Variants in MACROD2 observed in about 807,000 individuals in gnomAD.
MACROD2 encodes the protein ADP-ribose glycohydrolase MACROD2.
Under a neutral mutation model 70.4 loss-of-function variants are expected in MACROD2, and 36 were observed. That is an observed-to-expected ratio of 0.51 (90% CI 0.39 to 0.68). MACROD2 has a LOEUF of 0.68. Ranked by LOEUF, MACROD2 falls within the 30% of genes least tolerant of loss-of-function variation. MACROD2 has a pLI of 0.00. For missense variants in MACROD2, 496 were observed against 538.4 expected (o/e 0.92, Z 0.78); for synonymous variants, 172 against 178.8 (o/e 0.96, Z 0.30).
At chr20:15,600,511 T>G (rs561848932) in intron 8 of MACROD2, among the ~76,000 whole-genome samples, 1 of 152,238 alleles carries the variant, frequency 6.6e-6, no homozygotes, top group African/African-American at 2.4e-5. Context: ...CCTTCTTCTT[T>G]CTCTATCTCT....
chr20:15,606,610 C>T lies in MACROD2; in HGVS notation c.645+106763C>T, dbSNP rs182067840. On this transcript the variant is annotated intron_variant, in intron 8 of 17. Transcript: ENST00000684519. The stretch of plus-strand genomic sequence containing the variant: ...CCTTGACAACTTCATCTTGCCACCC[C>T]TATCATGAAGCTACAAGTATATGCT... Among the ~76,000 whole-genome samples, 289 of 152,296 alleles carry T rather than the reference C, an allele frequency of 1.9e-3. 4 individuals carry two copies. The Middle Eastern group carries it at 0.037, about 20-fold the overall frequency.
intron 6 of MACROD2, among the ~76,000 whole-genome samples, chr20:15,422,255 C>A (rs139126068): frequency 6.6e-6 from 1 of 152,028 alleles, no homozygotes; most frequent in Non-Finnish European, 1.5e-5. Flanking sequence ...ATGAATGCAG[C>A]GGAAGGATTC....
chr20:15,613,437 G>A (rs575132954), intron 8 of MACROD2, among the ~76,000 whole-genome samples: 216 of 152,312 alleles, frequency 1.4e-3, no homozygotes, highest in African/African-American at 5.0e-3. Context: ...GTGGATAGCA[G>A]TATAATGCTT....
At chr20:15,462,807 A>G (rs985715219) in intron 7 of MACROD2, among the ~76,000 whole-genome samples, 3 of 152,156 alleles carry the variant, frequency 2.0e-5, no homozygotes, top group Non-Finnish European at 4.4e-5. Context: ...GGGAACTATA[A>G]TTGCCACTTG....
chr20:14,502,188 TG>T (rs1368197901), intron 4 of MACROD2, among the ~76,000 whole-genome samples: 3 of 152,228 alleles, frequency 2.0e-5, no homozygotes, highest in Non-Finnish European at 2.9e-5. Context: ...GGCACAGAAT[TG>T]TTTTTTTAAC....
At chr20:15,851,917 C>T (rs757462378) in intron 8 of MACROD2, among the ~76,000 whole-genome samples, 11 of 152,192 alleles carry the variant, frequency 7.2e-5, no homozygotes, top group Non-Finnish European at 1.3e-4. Flanking sequence ...GCAGCCACCA[C>T]GAGCACACGG....
intron 5 of MACROD2, among the ~76,000 whole-genome samples, chr20:15,032,241 G>C (rs1200238571): frequency 1.3e-5 from 2 of 152,196 alleles, no homozygotes; most frequent in Non-Finnish European, 2.9e-5. Context: ...CGGAGCTGTG[G>C]CTGGGCGACT....
chr20:14,511,633 C>G lies in MACROD2; in HGVS notation c.301+18125C>G, dbSNP rs545709076. Among the ~76,000 whole-genome samples the G allele has an allele frequency of 3.3e-5, 5 of 151,760 alleles. No homozygotes were observed. In the East Asian group the frequency reaches 9.8e-4, roughly 30 times the overall value. ...TAAAATTTAACTAATTAACCTAATG[C>G]CATCCTTGGAATATTTAAACGCTAT... On this transcript the variant is annotated intron_variant, in intron 4 of 17. Transcript: ENST00000684519.
Position 15,459,053 on chromosome 20 carries a change from A to G in MACROD2, c.571+27618A>G, listed in dbSNP as rs560722852. 3.9e-5 allele frequency among the ~76,000 whole-genome samples: 6 copies of G among 152,224 alleles called. No homozygotes were observed. The South Asian group carries it at 1.2e-3, about 32-fold the overall frequency. On this transcript the variant is annotated intron_variant, in intron 7 of 17. Coordinates refer to ENST00000684519, the MANE Select transcript of MACROD2 (RefSeq NM_001351661.2). ...GTGTCTGTTTGATTGAAAGGATAGA[A>G]GTTGAAATATTATCAGAAGGCCACT...
At chr20:15,064,494 A>T (rs910132693) in intron 5 of MACROD2, among the ~76,000 whole-genome samples, 1 of 152,190 alleles carries the variant, frequency 6.6e-6, no homozygotes, top group African/African-American at 2.4e-5. Flanking sequence ...AGTTCTTATA[A>T]TGCAGAATCT....
intron 2 of MACROD2, among the ~76,000 whole-genome samples, chr20:14,064,830 T>C (rs536585972): frequency 6.6e-6 from 1 of 152,304 alleles, no homozygotes; most frequent in Non-Finnish European, 1.5e-5. Context: ...AATACGATAC[T>C]AAATGAAGAA....
At chr20:15,478,941 A>G (rs535744999) in intron 7 of MACROD2, among the ~76,000 whole-genome samples, 5 of 152,210 alleles carry the variant, frequency 3.3e-5, no homozygotes, top group Non-Finnish European at 5.9e-5. Context: ...TGGCTCATCA[A>G]GGTTAGCAGA....
chr20:15,334,914 T>TG lies in MACROD2; in HGVS notation c.541-96490dup, dbSNP rs546992214. Reference sequence around the variant, plus strand: ...ATCTGATGAAACCAATAAGGATACTTGCTATCGCTCATAACGTGAAGTTCA... The same window carrying TG: ...ATCTGATGAAACCAATAAGGATACTTGGCTATCGCTCATAACGTGAAGTTCA... On this transcript the variant is annotated intron_variant, in intron 6 of 17. Coordinates refer to ENST00000684519, the MANE Select transcript of MACROD2 (RefSeq NM_001351661.2). Among the ~76,000 whole-genome samples, 294 of 151,844 alleles carry TG rather than the reference T, an allele frequency of 1.9e-3. 1 individual carries two copies. The highest frequency in any genetic ancestry group is 3.0e-3 in the Non-Finnish European group (207 of 68,022).
intron 8 of MACROD2, among the ~76,000 whole-genome samples, chr20:15,862,223 G>T (rs976476833): frequency 3.3e-5 from 5 of 152,178 alleles, no homozygotes; most frequent in African/African-American, 1.2e-4. Context: ...GCATTTCCAA[G>T]TGTGTTAAAT....
At chr20:14,771,433 T>C (rs1489642670) in intron 5 of MACROD2, among the ~76,000 whole-genome samples, 1 of 152,032 alleles carries the variant, frequency 6.6e-6, no homozygotes, top group Admixed American at 6.6e-5. Context: ...AATATATTTT[T>C]AATAGAAGAA....
At chr20:14,714,028 A>G (rs894550910) in intron 5 of MACROD2, among the ~76,000 whole-genome samples, 1 of 152,146 alleles carries the variant, frequency 6.6e-6, no homozygotes, top group African/African-American at 2.4e-5. Flanking sequence ...GACATAAACA[A>G]CAGGAAGGTA....
At chr20:14,071,841 G>A (rs907972051) in intron 2 of MACROD2, among the ~76,000 whole-genome samples, 8 of 152,038 alleles carry the variant, frequency 5.3e-5, no homozygotes, top group African/African-American at 1.2e-4. Flanking sequence ...AGGCCAAGGC[G>A]GAAGGATTGC....
chr20:15,977,803 T>A (rs1192467990), intron 13 of MACROD2, among the ~76,000 whole-genome samples: 1 of 152,184 alleles, frequency 6.6e-6, no homozygotes, highest in Non-Finnish European at 1.5e-5. Flanking sequence ...GTTTGTACAT[T>A]TTACTATATG....
chr20:15,850,914 G>A (rs749567486), intron 8 of MACROD2, among the ~76,000 whole-genome samples: 14 of 152,164 alleles, frequency 9.2e-5, no homozygotes, highest in Non-Finnish European at 1.9e-4. Context: ...CCACTGGTCA[G>A]CCAAATGCTA....
Sources: allele counts gnomAD v4.1 joint callset (sites outside exome capture counted in the v4.1 genomes callset), GRCh38; gene constraint gnomAD v4.1.1; transcripts MANE v1.5; gene names NCBI Gene and HGNC (gene_info 2026-07-23, HGNC 2026-07-21).